The following RNF17 variants were observed in gnomAD, a reference collection of about 807,000 sequenced individuals.
RNF17 encodes spermatogenesis associated 23.
Under a neutral mutation model 200.5 loss-of-function variants are expected in RNF17, and 31 were observed. That is an observed-to-expected ratio of 0.15 (90% CI 0.12 to 0.21). RNF17 has a LOEUF of 0.21. Among genes scored for constraint, RNF17 ranks in the 10% least tolerant of loss-of-function variants. RNF17 has a pLI of 1.00. For missense variants in RNF17, 1,628 were observed against 1,905.1 expected (o/e 0.85, Z 2.71); for synonymous variants, 606 against 637.8 (o/e 0.95, Z 0.75).
chr13:24,852,640 TAGATATGGG>T (rs1177403472), intron 24 of RNF17, among the ~76,000 whole-genome samples: 1 of 152,148 alleles, frequency 6.6e-6, no homozygotes, highest in Non-Finnish European at 1.5e-5. Context: ...GACATGAGGC[TAGATATGGG>T]AGATGTGGCC....
At position 24,874,252 on chromosome 13, in the gene RNF17, T is replaced by G. The variant is rs1172829990; in HGVS notation, c.4583+3T>G. 6.4e-7 allele frequency: 1 copy of G among 1,569,874 alleles called. No individual in the cohort carries two copies. ...ACTGCAAAGCTGACATTAAACAGGTTAAAAATAAATGTCGGGGTGTTGAAT... is the reference window on the plus strand; with the variant it reads ...ACTGCAAAGCTGACATTAAACAGGTGAAAAATAAATGTCGGGGTGTTGAAT... On this transcript the variant is annotated splice_donor_region_variant and intron_variant, in intron 33 of 35. Coordinates refer to ENST00000255324, the MANE Select transcript of RNF17 (RefSeq NM_031277.3).
intron 4 of RNF17, among the ~76,000 whole-genome samples, chr13:24,779,444 ATCTGGAATGG>A (rs1882053071): frequency 1.3e-5 from 2 of 152,182 alleles, no homozygotes; most frequent in Admixed American, 1.3e-4. Flanking sequence ...TATGAAAAAA[ATCTGGAATGG>A]TCTAACTAAA....
At chr13:24,865,653 C>A (rs533539446) in intron 29 of RNF17, among the ~76,000 whole-genome samples, 1 of 152,214 alleles carries the variant, frequency 6.6e-6, no homozygotes, top group East Asian at 1.9e-4. Context: ...TAGTACACAA[C>A]CAAACATTGT....
chr13:24,790,688 G>C (rs1883732052), intron 9 of RNF17, among the ~76,000 whole-genome samples: 1 of 152,190 alleles, frequency 6.6e-6, no homozygotes, highest in Non-Finnish European at 1.5e-5. Context: ...AGATCATAAT[G>C]CTGGCAGATT....
At chr13:24,876,081 C>T (rs915621372) in intron 33 of RNF17, among the ~76,000 whole-genome samples, 6 of 152,108 alleles carry the variant, frequency 3.9e-5, no homozygotes, top group South Asian at 4.1e-4. Context: ...ATTTAAAGGG[C>T]GCCCATTTTT....
intron 32 of RNF17, 123 bp from the exon 33 acceptor site, chr13:24,873,991 C>T (rs1894584504): frequency 2.2e-6 from 2 of 892,862 alleles, no homozygotes; most frequent in East Asian, 5.5e-5. Flanking sequence ...CGTATCTTGG[C>T]TATTGTGAAT....
intron 17 of RNF17, among the ~76,000 whole-genome samples, 185 bp downstream of exon 17, chr13:24,830,784 G>A (rs543520949): frequency 2.0e-4 from 31 of 152,232 alleles, no homozygotes; most frequent in Middle Eastern, 3.4e-3. Flanking sequence ...GCAAATAAGC[G>A]TATTAAACAT....
chr13:24,750,630 A>G, the RNF17 span: 2 of 152,224 alleles, frequency 1.3e-5, no homozygotes, highest in Non-Finnish European at 1.5e-5. Flanking sequence ...CCATAACCAA[A>G]TATTTAAATT....
chr13:24,758,876 G>A, the RNF17 span, among the ~76,000 whole-genome samples: 2 of 151,866 alleles, frequency 1.3e-5, no homozygotes, highest in African/African-American at 2.4e-5. Flanking sequence ...GGAGATCCAA[G>A]ACCATCCTGG....
At chr13:24,806,559 T>C (rs1566158928) in intron 15 of RNF17, among the ~76,000 whole-genome samples, 1 of 152,206 alleles carries the variant, frequency 6.6e-6, no homozygotes. Flanking sequence ...GTGGTTTTGA[T>C]TTGCATTTCT....
rs1275399560 is a variant in RNF17, at chr13:24,792,817, T to G, written c.936-225T>G. Among the ~76,000 whole-genome samples the G allele has an allele frequency of 2.6e-5, 4 of 152,190 alleles. No individual in the cohort carries two copies. In the East Asian group the frequency reaches 7.7e-4, roughly 29 times the overall value. The stretch of plus-strand genomic sequence containing the variant: ...ACCCAATCTTATCTCATTGTAAAAT[T>G]TCTATACTTGTAGATTTGATAGCCT... On this transcript the variant is annotated intron_variant, in intron 9 of 35. Transcript: ENST00000255324.
At chr13:24,804,896 A>C (rs572196205) in intron 15 of RNF17, among the ~76,000 whole-genome samples, 1 of 152,134 alleles carries the variant, frequency 6.6e-6, no homozygotes, top group African/African-American at 2.4e-5. Context: ...TGGGTGCTTT[A>C]TATGATTTAA....
chr13:24,830,953 A>G (rs777197413), intron 17 of RNF17, among the ~76,000 whole-genome samples: 2 of 152,216 alleles, frequency 1.3e-5, no homozygotes, highest in Non-Finnish European at 1.5e-5. Context: ...TTAAGTATAT[A>G]TGTGTGTACA....
upstream of RNF17, among the ~76,000 whole-genome samples, chr13:24,761,896 A>C (rs1023265510): frequency 2.6e-5 from 4 of 152,214 alleles, no homozygotes; most frequent in Non-Finnish European, 5.9e-5. Context: ...GACCCACATT[A>C]AATATCCACA....
chr13:24,758,371 T>C, the RNF17 span, among the ~76,000 whole-genome samples: 1 of 152,232 alleles, frequency 6.6e-6, no homozygotes, highest in Admixed American at 6.5e-5. Flanking sequence ...ACCCTTTTTA[T>C]GATGATAGAC....
chr13:24,799,272 T>C, intron 11 of RNF17, 123 bp from the exon 12 acceptor site: 1 of 722,712 alleles, frequency 1.4e-6, no homozygotes, highest in Admixed American at 2.6e-5. Context: ...TTGAACACAG[T>C]GCTATATCAT....
chr13:24,812,737 AG>A (rs1052178899), intron 15 of RNF17, among the ~76,000 whole-genome samples: 1 of 128,796 alleles, frequency 7.8e-6, no homozygotes, highest in African/African-American at 3.0e-5. Flanking sequence ...GCTGGAGTGT[AG>A]TGGCAGGATC....
intron 27 of RNF17, 41 bp from the exon 28 acceptor site, chr13:24,862,672 A>G (rs376968426): frequency 5.2e-5 from 67 of 1,290,650 alleles, no homozygotes; most frequent in Non-Finnish European, 7.3e-5. Context: ...CTCTGATTTT[A>G]TGAAAGCATA....
chr13:24,831,945 G>A lies in RNF17; in HGVS notation c.2449G>A (p.Ala817Thr). The A allele has an allele frequency of 1.3e-6, 2 of 1,598,096 alleles. No individual in the cohort carries two copies. Among genetic ancestry groups the A allele is most frequent in the South Asian group, 2.2e-5 (2 of 89,642 alleles). ...AGCTAAAGAAAAATTTGAAGAAAAG[G>A]CTCAAGATAAATTTATGACATGTTC... is the stretch of plus-strand genomic sequence containing the variant. Reference protein sequence around the residue: ...KEAKEKFEEKAQDKFMTCSVI... With the variant: ...KEAKEKFEEKTQDKFMTCSVI... Residue 817 changes from alanine (A) to threonine (T), a missense_variant, in exon 18 of 36, where the codon GCT becomes ACT. By Grantham distance (58) the Ala-to-Thr change is moderately conservative. This residue lies in a region of RNF17 where 227 missense variants were observed against 319.8 expected (regional missense o/e 0.71). Transcript: ENST00000255324.
Sources: allele counts gnomAD v4.1 joint callset (sites outside exome capture counted in the v4.1 genomes callset), GRCh38; gene constraint gnomAD v4.1.1; regional missense constraint gnomAD v4.1.1; transcripts MANE v1.5; gene names NCBI Gene and HGNC (gene_info 2026-07-23, HGNC 2026-07-21).